The following SLC16A10 variants were observed in gnomAD, a reference collection of about 807,000 sequenced individuals.
SLC16A10 encodes the protein solute carrier family 16 member 10, also known as monocarboxylate transporter 10.
A neutral mutation model predicts 40.0 loss-of-function variants in SLC16A10; 27 were observed. The observed-to-expected ratio is 0.67, with a 90% CI of 0.50 to 0.93. SLC16A10 has a LOEUF of 0.93. SLC16A10 is among the 40% of genes least tolerant of loss of function. The pLI, the probability that SLC16A10 is intolerant of heterozygous loss-of-function variation, is 0.00. For synonymous variants in SLC16A10, 213 were observed against 249.8 expected (o/e 0.85, Z 1.39); for missense variants, 529 against 658.2 (o/e 0.80, Z 2.15).
chr6:111,110,575 G>A (rs557021660), intron 1 of SLC16A10, among the ~76,000 whole-genome samples: 65 of 152,246 alleles, frequency 4.3e-4, no homozygotes, highest in Middle Eastern at 6.8e-3. Flanking sequence ...GGTTTGGTGA[G>A]GATCAGGAAA....
At chr6:111,123,855 T>C (rs1771624755) in intron 1 of SLC16A10, among the ~76,000 whole-genome samples, 1 of 151,918 alleles carries the variant, frequency 6.6e-6, no homozygotes, top group African/African-American at 2.4e-5. Context: ...AAAAGTAGGG[T>C]TTGTGTTATG....
intron 1 of SLC16A10, among the ~76,000 whole-genome samples, chr6:111,145,100 G>T (rs1772053163): frequency 6.6e-6 from 1 of 152,134 alleles, no homozygotes; most frequent in East Asian, 1.9e-4. Context: ...CCAAAGTGCT[G>T]AAATTACAGG....
At chr6:111,214,885 C>T (rs964552156) in intron 4 of SLC16A10, among the ~76,000 whole-genome samples, 4 of 151,872 alleles carry the variant, frequency 2.6e-5, no homozygotes, top group Admixed American at 6.6e-5. Context: ...TTTGGGAGGC[C>T]GAGGCAGGCA....
chr6:111,211,391 A>T (rs946194652), intron 4 of SLC16A10, among the ~76,000 whole-genome samples: 1 of 152,208 alleles, frequency 6.6e-6, no homozygotes, highest in Non-Finnish European at 1.5e-5. Flanking sequence ...AACTTGTCCC[A>T]TGTTGGTCTG....
intron 4 of SLC16A10, among the ~76,000 whole-genome samples, chr6:111,218,558 A>G (rs369361): frequency 0.53 from 81,118 of 152,062 alleles, 22,397 homozygotes; most frequent in South Asian, 0.74. Flanking sequence ...CAGCCTGGGC[A>G]ACAGAGACAG....
At chr6:111,114,292 A>G (rs568335318) in intron 1 of SLC16A10, among the ~76,000 whole-genome samples, 4 of 152,374 alleles carry the variant, frequency 2.6e-5, no homozygotes, top group Non-Finnish European at 5.9e-5. Context: ...TCTCAAAAAC[A>G]TCATATCGAA....
chr6:111,164,597 T>TA (rs879618307), intron 1 of SLC16A10, among the ~76,000 whole-genome samples: 36 of 148,518 alleles, frequency 2.4e-4, no homozygotes, highest in South Asian at 1.9e-3. Context: ...CCGTCTCTAC[T>TA]AAAAAAAAAA....
intron 3 of SLC16A10, chr6:111,193,265 T>C (rs1405755831): frequency 1.0e-6 from 1 of 985,600 alleles, no homozygotes; most frequent in Non-Finnish European, 1.2e-6. Flanking sequence ...TTTCTAGCTT[T>C]TCTAACCTTG....
intron 3 of SLC16A10, among the ~76,000 whole-genome samples, chr6:111,180,455 G>A (rs1195596473): frequency 6.6e-6 from 1 of 152,140 alleles, no homozygotes; most frequent in Non-Finnish European, 1.5e-5. Context: ...AGGCTGGGGT[G>A]GAAGGATCGC....
In SLC16A10 at chr6:111,226,222, G is replaced by A. The variant is rs1028298908; in HGVS notation, c.*3987G>A. 6 of 152,008 alleles carry A rather than the reference G, an allele frequency of 3.9e-5. No individual in the cohort carries two copies. Among genetic ancestry groups the A allele is most frequent in the African/African-American group, 1.4e-4 (6 of 41,398 alleles). The allele number at this position is 152,008 out of a possible 1,614,324, so 9.4% of individuals were successfully genotyped here. A position where few individuals can be genotyped will look rare whatever the true frequency, so the allele number is the denominator to read the frequency against. On this transcript the variant is annotated 3_prime_UTR_variant, in exon 6 of 6. Coordinates refer to ENST00000368851, the MANE Select transcript of SLC16A10 (RefSeq NM_018593.5). ...AGTCTTTAGCATATTTTCAGAGAGC[G>A]TAATTTTTTACTTTGATTTCCAGTT...
intron 1 of SLC16A10, among the ~76,000 whole-genome samples, chr6:111,134,771 CCAGGGGA>C (rs1771847598): frequency 1.3e-5 from 2 of 152,160 alleles, no homozygotes; most frequent in African/African-American, 4.8e-5. Context: ...GCCCACTGCC[CCAGGGGA>C]CGTAGGTCCT....
At chr6:111,205,949 G>A (rs1339209318) in intron 3 of SLC16A10, among the ~76,000 whole-genome samples, 1 of 152,148 alleles carries the variant, frequency 6.6e-6, no homozygotes, top group African/African-American at 2.4e-5. Context: ...ATAATGTAAC[G>A]GGTCCTTGGG....
intron 3 of SLC16A10, among the ~76,000 whole-genome samples, chr6:111,181,215 CAAAA>C (rs78386837): frequency 2.4e-5 from 2 of 82,948 alleles, no homozygotes; most frequent in African/African-American, 4.3e-5. Context: ...AACTCCATCT[CAAAA>C]AAAAAAAAAA....
intron 3 of SLC16A10, among the ~76,000 whole-genome samples, chr6:111,205,521 T>G (rs753949068): frequency 1.3e-5 from 2 of 152,234 alleles, no homozygotes; most frequent in Non-Finnish European, 2.9e-5. Flanking sequence ...TAATACCTGA[T>G]TGTTATTAAC....
rs1462096441 is a variant in SLC16A10 at position 111,101,003 on chromosome 6, TATATATATATATATAA to T, written c.343+12915_343+12930del. Among the ~76,000 whole-genome samples, 196 of 139,396 alleles carry T rather than the reference TATATATATATATATAA, an allele frequency of 1.4e-3. 1 individual carries two copies. The highest frequency in any genetic ancestry group is 5.1e-3 in the African/African-American group (185 of 36,178). 91.4% of individuals were successfully genotyped at this position (139,396 alleles called of 152,430 possible). A position where few individuals can be genotyped will look rare whatever the true frequency, so the allele number is the denominator to read the frequency against. The stretch of plus-strand genomic sequence containing the variant: ...CTCTCTCTCTCTCTCTATATATATA[TATATATATATATATAA>T]ATATATGTATATATATTTTTTCTTT... On this transcript the variant is annotated intron_variant, in intron 1 of 5. Transcript: ENST00000368851.
intron 1 of SLC16A10, among the ~76,000 whole-genome samples, chr6:111,119,820 C>T (rs1445228293): frequency 1.3e-5 from 2 of 152,210 alleles, no homozygotes; most frequent in South Asian, 2.1e-4. Flanking sequence ...ACATTGTAAC[C>T]TTACTGGTTT....
intron 5 of SLC16A10, among the ~76,000 whole-genome samples, chr6:111,219,292 C>T (rs1364937170): frequency 3.3e-5 from 5 of 151,890 alleles, no homozygotes; most frequent in Admixed American, 2.0e-4. Flanking sequence ...GAGGCTGAGG[C>T]GGGAAGATCA....
At chr6:111,120,264 T>C (rs1375105557) in intron 1 of SLC16A10, among the ~76,000 whole-genome samples, 1 of 152,234 alleles carries the variant, frequency 6.6e-6, no homozygotes, top group Non-Finnish European at 1.5e-5. Context: ...GAGGCACTTA[T>C]TGGAGTTGAT....
intron 1 of SLC16A10, among the ~76,000 whole-genome samples, chr6:111,129,135 G>T (rs1042093013): frequency 2.6e-5 from 4 of 152,200 alleles, no homozygotes; most frequent in Admixed American, 2.6e-4. Flanking sequence ...AGGTTACGAG[G>T]CATTACTAAT....
Sources: gnomAD v4.1 joint callset for allele counts (sites outside exome capture counted in the v4.1 genomes callset) on GRCh38, gnomAD v4.1.1 for gene constraint, MANE v1.5 for transcripts, NCBI Gene and HGNC (gene_info 2026-07-23, HGNC 2026-07-21) for gene names.